Variants in NTMT2 observed in about 807,000 individuals in gnomAD.
NTMT2 encodes the protein X-Pro-Lys N-terminal protein methyltransferase 1B.
A neutral mutation model predicts 23.4 loss-of-function variants in NTMT2; 21 were observed. The ratio of observed to expected loss-of-function variants is 0.90; its 90% CI spans 0.64 to 1.29. The LOEUF (loss-of-function observed/expected upper bound fraction) is 1.29, where lower values mean the gene tolerates loss of function less well. NTMT2 is among the 50% of genes most tolerant of loss of function. The pLI is 0.00. For synonymous variants in NTMT2, 131 were observed against 127.7 expected, an observed-to-expected ratio of 1.03 and a Z score of -0.17; for missense variants, 336 against 352.0, an observed-to-expected ratio of 0.95 and a Z score of 0.36.
chr1:170,157,195 G>C (rs1360583762), intron 1 of NTMT2, among the ~76,000 whole-genome samples: 1 of 152,026 alleles, frequency 6.6e-6, no homozygotes, highest in African/African-American at 2.4e-5. Context: ...AAGGGAGATT[G>C]GTGTTGATCC....
intron 2 of NTMT2, among the ~76,000 whole-genome samples, chr1:170,161,451 C>T (rs1057027308): frequency 6.6e-6 from 1 of 152,166 alleles, no homozygotes; most frequent in African/African-American, 2.4e-5. Flanking sequence ...ACCCCTATTA[C>T]TTCCTTACTG....
rs958404673 is a variant in NTMT2 at position 170,167,969 on chromosome 1, C to T, written c.*212C>T. 1.5e-5 allele frequency among the ~76,000 whole-genome samples: 2 copies of T among 132,758 alleles called. No homozygotes were observed. Among genetic ancestry groups the T allele is most frequent in the Admixed American group, 1.5e-4 (2 of 13,226 alleles). 87.1% of individuals were successfully genotyped at this position (132,758 alleles called of 152,430 possible). A position where few individuals can be genotyped will look rare whatever the true frequency, so the allele number is the denominator to read the frequency against. On this transcript the variant is annotated 3_prime_UTR_variant, in exon 4 of 4. Transcript: ENST00000439373. ...GACATGCACAAATTCTGTGGATTTTCTGAAAAAAAAATGGAGTGAAATATC... is the reference window on the plus strand; with the variant it reads ...GACATGCACAAATTCTGTGGATTTTTTGAAAAAAAAATGGAGTGAAATATC...
chr1:170,150,269 TC>T (rs1000597016), intron 1 of NTMT2, among the ~76,000 whole-genome samples: 39 of 152,282 alleles, frequency 2.6e-4, no homozygotes, highest in Admixed American at 1.3e-4. Context: ...CTGGCAAGCT[TC>T]AGAGATTCAT....
intron 1 of NTMT2, chr1:170,151,580 A>G (rs1673069108): frequency 6.5e-6 from 1 of 153,016 alleles, no homozygotes; most frequent in African/African-American, 2.4e-5. Flanking sequence ...CTCATTGTAC[A>G]ATGATACATT....
At chr1:170,146,661 T>C (rs1420347615) in intron 1 of NTMT2, among the ~76,000 whole-genome samples, 1 of 152,104 alleles carries the variant, frequency 6.6e-6, no homozygotes, top group East Asian at 1.9e-4. Context: ...AAAGACTAAA[T>C]AATGATAGAT....
intron 2 of NTMT2, among the ~76,000 whole-genome samples, chr1:170,165,435 T>C (rs1436688091): frequency 6.6e-6 from 1 of 152,126 alleles, no homozygotes; most frequent in Non-Finnish European, 1.5e-5. Context: ...ATGTTTAGCA[T>C]TAAAAGACAC....
In NTMT2 at chr1:170,168,855, T is replaced by C. The variant is rs1265800996; in HGVS notation, c.*1098T>C. On this transcript the variant is annotated 3_prime_UTR_variant, in exon 4 of 4. Coordinates refer to ENST00000439373, the MANE Select transcript of NTMT2 (RefSeq NM_001136107.2). ...TGGACATTGGTTTAATTAAAAATAA[T>C]CTAAAATCATTCAAAAAATGTAATT... Among the ~76,000 whole-genome samples, 2 of 152,218 alleles carry C rather than the reference T, an allele frequency of 1.3e-5. No individual in the cohort carries two copies. Among genetic ancestry groups the C allele is most frequent in the African/African-American group, 4.8e-5 (2 of 41,454 alleles).
chr1:170,166,208 C>T (rs1306224831), intron 2 of NTMT2, among the ~76,000 whole-genome samples: 1 of 135,734 alleles, frequency 7.4e-6, no homozygotes, highest in South Asian at 2.3e-4. Flanking sequence ...GGCGCAATCT[C>T]GGCTCACTGC....
chr1:170,160,405 C>A, intron 1 of NTMT2, 113 bp from the exon 2 acceptor site: 1 of 960,252 alleles, frequency 1.0e-6, no homozygotes, highest in Non-Finnish European at 1.5e-6. Context: ...CAAACCAGTG[C>A]TCTTTTTGCC....
At chr1:170,155,176 T>G (rs1326445166) in intron 1 of NTMT2, among the ~76,000 whole-genome samples, 3 of 152,164 alleles carry the variant, frequency 2.0e-5, no homozygotes, top group African/African-American at 7.2e-5. Context: ...CTTTTCTTTA[T>G]AAATTACTCA....
At chr1:170,154,273 A>T (rs1673122680) in intron 1 of NTMT2, among the ~76,000 whole-genome samples, 1 of 152,082 alleles carries the variant, frequency 6.6e-6, no homozygotes, top group South Asian at 2.1e-4. Context: ...CACTGAGATA[A>T]CCTTTACTAG....
At position 170,166,648 on chromosome 1, in the gene NTMT2, G is replaced by T. The variant is rs772679904; in HGVS notation, c.477G>T (p.Leu159=). Residue 159 remains leucine, a synonymous_variant, in exon 3 of 4, where the codon CTG becomes CTT. Coordinates refer to ENST00000439373, the MANE Select transcript of NTMT2 (RefSeq NM_001136107.2). ...TTCTCCTTGAAGCCCAGAACTACCT[G>T]CAGGTCAAAGGTGACAAAGTAGAAA... ...ESFLLEAQNY[L]QVKGDKVESY... The T allele has an allele frequency of 3.2e-6, 5 of 1,552,158 alleles. No homozygotes were observed. The South Asian group carries it at 5.9e-5, about 18-fold the overall frequency.
Position 170,166,760 on chromosome 1 carries a change from T to G in NTMT2, c.580+9T>G. On this transcript the variant is annotated intron_variant, in intron 3 of 3. Coordinates refer to ENST00000439373, the MANE Select transcript of NTMT2 (RefSeq NM_001136107.2). The stretch of plus-strand genomic sequence containing the variant: ...GATTCAGTGGGTCTCTGGTTAGTCC[T>G]GCATGACTTTCCCTCTGCTTTTCTC... The G allele has an allele frequency of 6.4e-7, 1 of 1,551,062 alleles. No homozygotes were observed. Among genetic ancestry groups the G allele is most frequent in the Non-Finnish European group, 8.7e-7 (1 of 1,146,020 alleles).
intron 1 of NTMT2, among the ~76,000 whole-genome samples, chr1:170,154,514 T>A (rs1187456568): frequency 6.6e-6 from 1 of 152,218 alleles, no homozygotes; most frequent in Non-Finnish European, 1.5e-5. Context: ...ATTTTGGAGC[T>A]TTAAGACTTA....
intron 1 of NTMT2, among the ~76,000 whole-genome samples, chr1:170,156,396 A>T (rs1673165068): frequency 6.6e-6 from 1 of 152,110 alleles, no homozygotes; most frequent in Non-Finnish European, 1.5e-5. Flanking sequence ...CTTTCCTAGA[A>T]ATTTCATCTT....
intron 2 of NTMT2, among the ~76,000 whole-genome samples, chr1:170,162,187 A>G (rs1454461772): frequency 6.6e-6 from 1 of 152,230 alleles, no homozygotes; most frequent in Non-Finnish European, 1.5e-5. Context: ...TCTATTAAAG[A>G]TGAAAAGTTC....
At chr1:170,149,663 A>G (rs1418373504) in intron 1 of NTMT2, among the ~76,000 whole-genome samples, 1 of 152,228 alleles carries the variant, frequency 6.6e-6, no homozygotes, top group Non-Finnish European at 1.5e-5. Context: ...TGCTACTACT[A>G]GAAAACTAAC....
chr1:170,166,765 G>A lies in NTMT2; in HGVS notation c.580+14G>A, dbSNP rs1011211851. On this transcript the variant is annotated intron_variant, in intron 3 of 3. Transcript: ENST00000439373. ...AGTGGGTCTCTGGTTAGTCCTGCAT[G>A]ACTTTCCCTCTGCTTTTCTCCCCTT... is the stretch of plus-strand genomic sequence containing the variant. 6.4e-7 allele frequency: 1 copy of A among 1,550,520 alleles called. No individual in the cohort carries two copies. The highest frequency in any genetic ancestry group is 8.7e-7 in the Non-Finnish European group (1 of 1,145,770).
rs1033415571 is a variant in NTMT2, at chr1:170,157,944, G to A, written c.155-2574G>A. ...ATTTTTGAAGTCTATGTTTTGTCTT[G>A]TAATATAAACTGATTTCTTTCCAGA... is the stretch of plus-strand genomic sequence containing the variant. On this transcript the variant is annotated intron_variant, in intron 1 of 3. Transcript: ENST00000439373. The A allele has an allele frequency of 7.2e-5, 11 of 152,092 alleles. No homozygotes were observed. In the East Asian group the frequency reaches 1.7e-3, roughly 24 times the overall value. The allele number at this position is 152,092 out of a possible 1,614,324, so 9.4% of individuals were successfully genotyped here.
Sources: gnomAD v4.1 joint callset for allele counts (sites outside exome capture counted in the v4.1 genomes callset) on GRCh38, gnomAD v4.1.1 for gene constraint, MANE v1.5 for transcripts, NCBI Gene and HGNC (gene_info 2026-07-23, HGNC 2026-07-21) for gene names.